CTNNA2: variants seen among roughly 807,000 people sequenced by gnomAD.
CTNNA2 encodes catenin alpha 2.
A neutral mutation model predicts 101.0 loss-of-function variants in CTNNA2; 42 were observed. The ratio of observed to expected loss-of-function variants is 0.42; its 90% CI spans 0.32 to 0.54. CTNNA2 has a LOEUF of 0.54. CTNNA2 is among the 20% of genes least tolerant of loss of function. The probability of loss-of-function intolerance (pLI) is 0.14; values close to 1 mark genes in which losing one functional copy is unlikely to be tolerated. For missense variants in CTNNA2, 871 were observed against 1,223.1 expected, an observed-to-expected ratio of 0.71 and a Z score of 4.29; for synonymous variants, 450 against 456.4, an observed-to-expected ratio of 0.99 and a Z score of 0.18.
chr2:79,881,838 A>G (rs1056875105), intron 6 of CTNNA2, among the ~76,000 whole-genome samples: 11 of 149,254 alleles, frequency 7.4e-5, no homozygotes, highest in Non-Finnish European at 1.2e-4. Context: ...TGTGAATCTG[A>G]TCCTGTCATC....
At chr2:79,466,747 G>T (rs1198334744) in intron 4 of CTNNA2, among the ~76,000 whole-genome samples, 1 of 152,250 alleles carries the variant, frequency 6.6e-6, no homozygotes, top group East Asian at 1.9e-4. Context: ...AGCCTCTGCT[G>T]CTGATACCCA....
chr2:80,520,846 T>A (rs1689483448), intron 9 of CTNNA2, among the ~76,000 whole-genome samples: 1 of 152,196 alleles, frequency 6.6e-6, no homozygotes, highest in South Asian at 2.1e-4. Context: ...AGGATTGGCC[T>A]ACACTGCCAG....
At chr2:79,675,884 C>G (rs1246249729) in intron 2 of CTNNA2, among the ~76,000 whole-genome samples, 1 of 152,172 alleles carries the variant, frequency 6.6e-6, no homozygotes, top group Non-Finnish European at 1.5e-5. Flanking sequence ...GCCCTTATTC[C>G]TTTGGGCAAG....
At position 80,619,217 on chromosome 2, in the gene CTNNA2, G is replaced by T. The variant is rs369333057; in HGVS notation, c.2563G>T (p.Asp855Tyr). ...AGCTCCGATCGGGAGTGGAAGCAGT[G>T]ATTCCTCCATGGTGAGTAAATTGAC... ...EGAPIGSGSS[D>Y]SSMLDSATSL... Residue 855 changes from aspartate to tyrosine, a missense_variant, in exon 18 of 19, where the codon GAT becomes TAT. This residue lies in a region of CTNNA2 where 65 missense variants were observed against 53.3 expected (regional missense o/e 1.22). Transcript: ENST00000402739. 1 of 1,576,412 alleles carries T rather than the reference G, an allele frequency of 6.3e-7. No individual in the cohort carries two copies. Among genetic ancestry groups the T allele is most frequent in the Non-Finnish European group, 8.6e-7 (1 of 1,161,618 alleles).
At chr2:79,683,823 T>C (rs1683750752) in intron 2 of CTNNA2, among the ~76,000 whole-genome samples, 1 of 151,792 alleles carries the variant, frequency 6.6e-6, no homozygotes, top group East Asian at 1.9e-4. Context: ...GTCTATGGAG[T>C]GGTGGGAGAA....
At chr2:80,228,660 T>G (rs2149069235) in intron 7 of CTNNA2, among the ~76,000 whole-genome samples, 1 of 152,336 alleles carries the variant, frequency 6.6e-6, no homozygotes, top group Middle Eastern at 3.4e-3. Context: ...TGGGGAGGAC[T>G]CATTACAGGG....
intron 8 of CTNNA2, among the ~76,000 whole-genome samples, chr2:80,396,318 T>A (rs1401995916): frequency 6.6e-6 from 1 of 152,196 alleles, no homozygotes. Context: ...TAGAGCAGAA[T>A]CCTCCTAAGG....
chr2:79,969,402 C>T (rs1690316109), intron 7 of CTNNA2, among the ~76,000 whole-genome samples: 1 of 152,164 alleles, frequency 6.6e-6, no homozygotes, highest in Non-Finnish European at 1.5e-5. Flanking sequence ...TAAGCTAATT[C>T]ACTAAGCACT....
At chr2:79,465,887 A>G (rs1040834590) in intron 4 of CTNNA2, among the ~76,000 whole-genome samples, 3 of 152,202 alleles carry the variant, frequency 2.0e-5, no homozygotes, top group Non-Finnish European at 4.4e-5. Flanking sequence ...TTGGGCTGAG[A>G]CGATGGGGGT....
intron 7 of CTNNA2, among the ~76,000 whole-genome samples, chr2:80,259,941 C>A (rs1672471250): frequency 6.6e-6 from 1 of 152,172 alleles, no homozygotes; most frequent in African/African-American, 2.4e-5. Context: ...TAATCTTGGA[C>A]CACAATGTGG....
At chr2:79,304,648 G>A (rs950675906) in intron 2 of CTNNA2, among the ~76,000 whole-genome samples, 6 of 152,138 alleles carry the variant, frequency 3.9e-5, no homozygotes, top group African/African-American at 1.4e-4. Flanking sequence ...AAAATACATG[G>A]CACTATTGTA....
intron 7 of CTNNA2, among the ~76,000 whole-genome samples, chr2:80,045,042 A>G (rs925452579): frequency 1.3e-5 from 2 of 152,158 alleles, no homozygotes; most frequent in Admixed American, 6.5e-5. Context: ...CTCAACCAGG[A>G]TGTTGAATAA....
At chr2:80,470,763 A>T (rs1012942890) in intron 9 of CTNNA2, among the ~76,000 whole-genome samples, 1 of 152,228 alleles carries the variant, frequency 6.6e-6, no homozygotes, top group Non-Finnish European at 1.5e-5. Flanking sequence ...GAGTAAGAAG[A>T]CCAATTAATA....
chr2:80,065,195 T>TTA (rs1224515596), intron 7 of CTNNA2, among the ~76,000 whole-genome samples: 76 of 151,840 alleles, frequency 5.0e-4, no homozygotes, highest in Non-Finnish European at 9.3e-4. Flanking sequence ...GAATTACTTG[T>TTA]CAGAAAAAAA....
At chr2:79,572,892 T>C (rs1228771933) in intron 1 of CTNNA2, among the ~76,000 whole-genome samples, 1 of 152,190 alleles carries the variant, frequency 6.6e-6, no homozygotes. Context: ...CTGAGAAGGG[T>C]ATGTTTACAT....
intron 7 of CTNNA2, among the ~76,000 whole-genome samples, chr2:79,935,415 T>A (rs1260068976): frequency 6.6e-6 from 1 of 151,766 alleles, no homozygotes. Context: ...TGCAGAAAAG[T>A]ACAAAGAACG....
At chr2:80,120,581 G>T (rs1701776693) in intron 7 of CTNNA2, among the ~76,000 whole-genome samples, 1 of 152,146 alleles carries the variant, frequency 6.6e-6, no homozygotes, top group African/African-American at 2.4e-5. Flanking sequence ...TTGGCATAGT[G>T]CTGTAGACAC....
intron 1 of CTNNA2, among the ~76,000 whole-genome samples, chr2:79,529,994 G>A (rs1278447398): frequency 6.6e-6 from 1 of 152,030 alleles, no homozygotes; most frequent in African/African-American, 2.4e-5. Flanking sequence ...CTGGAGCTCT[G>A]CTGGTGATGA....
intron 7 of CTNNA2, among the ~76,000 whole-genome samples, chr2:80,072,644 A>AT (rs1276209664): frequency 6.6e-6 from 1 of 152,102 alleles, no homozygotes; most frequent in African/African-American, 2.4e-5. Flanking sequence ...CACTATTCCA[A>AT]TACCATTCAA....
Sources: allele counts gnomAD v4.1 joint callset (sites outside exome capture counted in the v4.1 genomes callset), GRCh38; gene constraint gnomAD v4.1.1; regional missense constraint gnomAD v4.1.1; transcripts MANE v1.5; gene names NCBI Gene and HGNC (gene_info 2026-07-23, HGNC 2026-07-21).